The following TMEM164 variants were observed in gnomAD, a reference collection of about 807,000 sequenced individuals.
The protein encoded by TMEM164 is transmembrane protein 164.
Under a neutral mutation model 18.8 loss-of-function variants are expected in TMEM164, and 4 were observed. That is an observed-to-expected ratio of 0.21 (90% confidence interval 0.10 to 0.49). The LOEUF is 0.49. TMEM164 is among the 20% of genes least tolerant of loss of function. The pLI, the probability that TMEM164 is intolerant of heterozygous loss-of-function variation, is 0.98. For missense variants in TMEM164, 108 were observed against 239.9 expected, an observed-to-expected ratio of 0.45 and a Z score of 3.63; for synonymous variants, 86 against 101.7, an observed-to-expected ratio of 0.85 and a Z score of 0.93.
rs762299655 is a variant in TMEM164 at position 110,175,134 on chromosome X, G to C, written c.*1683G>C. On this transcript the variant is annotated 3_prime_UTR_variant, in exon 7 of 7. Transcript: ENST00000372068. ...TTTTGATGCGTAAGCTTTGTTTTTG[G>C]CCCTCTTTGAAGGCAGGGCCAAACT... 1.8e-5 allele frequency: 2 copies of C among 112,560 alleles called. No homozygotes were observed. Among genetic ancestry groups the C allele is most frequent in the Admixed American group, 9.3e-5 (1 of 10,777 alleles). 9.3% of individuals were successfully genotyped at this position (112,560 alleles called of 1,213,427 possible).
Position 110,152,080 on chromosome X carries a change from G to A in TMEM164, c.586+7204G>A, listed in dbSNP as rs755137413. Among the ~76,000 whole-genome samples, 6 of 85,644 alleles carry A rather than the reference G, an allele frequency of 7.0e-5. No individual in the cohort carries two copies. The South Asian group carries it at 1.8e-3, about 25-fold the overall frequency. 74.4% of individuals were successfully genotyped at this position (85,644 alleles called of 115,157 possible). A position where few individuals can be genotyped will look rare whatever the true frequency, so the allele number is the denominator to read the frequency against. On this transcript the variant is annotated intron_variant, in intron 5 of 6. Transcript: ENST00000372068. ...TCTTTTTTTTTTTTTTGTCTGAGAC[G>A]TAGTCTCACTCTGTTGCCAGGCTGG...
intron 4 of TMEM164, among the ~76,000 whole-genome samples, chrX:110,143,082 G>A (rs1291677759): frequency 8.9e-6 from 1 of 112,325 alleles, no homozygotes; most frequent in African/African-American, 3.2e-5. Context: ...TCCCTTAGGT[G>A]CATGAAGGTG....
In TMEM164 at chrX:110,109,278, G is replaced by A. The variant is rs1258561147; in HGVS notation, c.507+132G>A. 5 of 568,214 alleles carry A rather than the reference G, an allele frequency of 8.8e-6. No homozygotes were observed. The East Asian group carries it at 1.1e-4, about 13-fold the overall frequency. The allele number at this position is 568,214 out of a possible 1,213,427, so 46.8% of individuals were successfully genotyped here. ...CACACCTGTAATCCCAGCACTTTGG[G>A]AGGCCAAGGCGGGTGGATCACTTGA... On this transcript the variant is annotated intron_variant, in intron 4 of 6. Coordinates refer to ENST00000372068, the MANE Select transcript of TMEM164 (RefSeq NM_032227.4).
At chrX:110,178,641 T>C (rs1183388686), downstream of TMEM164, among the ~76,000 whole-genome samples, 8 of 112,346 alleles carry the variant, frequency 7.1e-5, no homozygotes, top group Non-Finnish European at 1.9e-5. Flanking sequence ...GGTCTTGCAA[T>C]TGTGGACTAG....
At chrX:110,145,987 T>TG (rs1354528655) in intron 5 of TMEM164, among the ~76,000 whole-genome samples, 1 of 112,029 alleles carries the variant, frequency 8.9e-6, no homozygotes, top group African/African-American at 3.3e-5. Context: ...TGCGGCCACT[T>TG]GGGGTCTCAC....
chrX:110,080,259 A>T (rs775453217), intron 3 of TMEM164, among the ~76,000 whole-genome samples: 6 of 111,992 alleles, frequency 5.4e-5, no homozygotes, highest in Non-Finnish European at 9.4e-5. Flanking sequence ...TGAAAATTTG[A>T]AATCCATGCA....
chrX:110,104,802 A>T (rs1459701935), intron 3 of TMEM164, among the ~76,000 whole-genome samples: 1 of 111,855 alleles, frequency 8.9e-6, no homozygotes, highest in Non-Finnish European at 1.9e-5. Flanking sequence ...AGCTATTGGT[A>T]GTTAACTTTA....
At chrX:110,129,685 C>T (rs1432462864) in intron 4 of TMEM164, among the ~76,000 whole-genome samples, 1 of 112,484 alleles carries the variant, frequency 8.9e-6, no homozygotes, top group Non-Finnish European at 1.9e-5. Context: ...ATCTTGTTTT[C>T]CAACACTTTT....
At chrX:110,112,289 C>T (rs1432166686) in intron 4 of TMEM164, among the ~76,000 whole-genome samples, 2 of 111,655 alleles carry the variant, frequency 1.8e-5, no homozygotes, top group Non-Finnish European at 3.8e-5. Context: ...GCCGAGATCA[C>T]GCCACTGCAC....
intron 2 of TMEM164, among the ~76,000 whole-genome samples, chrX:110,009,857 G>A (rs1160395774): frequency 9.1e-6 from 1 of 110,429 alleles, no homozygotes; most frequent in East Asian, 2.8e-4. Context: ...GCCAGGTGTG[G>A]TGGCACGCGC....
intron 2 of TMEM164, among the ~76,000 whole-genome samples, chrX:110,034,822 A>T (rs1424609133): frequency 1.9e-5 from 2 of 102,991 alleles, no homozygotes; most frequent in Admixed American, 1.1e-4. Context: ...AACCAACCCA[A>T]ATGTCCAACA....
rs2067289860 is a variant in TMEM164, at chrX:110,176,378, TG to T, written c.*2928del. 1 of 754,650 alleles carries T rather than the reference TG, an allele frequency of 1.3e-6. No individual in the cohort carries two copies. The highest frequency in any genetic ancestry group is 8.8e-5 in the Admixed American group (1 of 11,402). 62.2% of individuals were successfully genotyped at this position (754,650 alleles called of 1,213,427 possible). The stretch of plus-strand genomic sequence containing the variant: ...TCCTCCCAGAGGCACAACAGTAACA[TG>T]TTCCTCTGTCAGCCTGTGAAGGCAT... On this transcript the variant is annotated 3_prime_UTR_variant, in exon 7 of 7. Transcript: ENST00000372068.
chrX:110,133,578 G>A (rs946051870), intron 4 of TMEM164, among the ~76,000 whole-genome samples: 18 of 111,855 alleles, frequency 1.6e-4, no homozygotes, highest in Non-Finnish European at 1.1e-4. Context: ...AGGTATTGAG[G>A]GTGAGGAATT....
intron 3 of TMEM164, among the ~76,000 whole-genome samples, chrX:110,086,734 C>T (rs772783534): frequency 9.2e-6 from 1 of 108,305 alleles, no homozygotes; most frequent in East Asian, 2.9e-4. Flanking sequence ...ACAGAAAAAC[C>T]ATATTTTGCT....
intron 5 of TMEM164, among the ~76,000 whole-genome samples, chrX:110,145,239 G>A (rs1200780718): frequency 9.0e-6 from 1 of 111,287 alleles, no homozygotes; most frequent in East Asian, 2.8e-4. Context: ...TGGGATAGAA[G>A]GAGAGAGTAA....
chrX:110,061,897 C>T (rs1936139368), intron 2 of TMEM164, among the ~76,000 whole-genome samples: 1 of 111,304 alleles, frequency 9.0e-6, no homozygotes, highest in Admixed American at 9.6e-5. Flanking sequence ...TTGGAAAAAC[C>T]ATCTGGAAGA....
intron 2 of TMEM164, among the ~76,000 whole-genome samples, chrX:110,057,315 G>C: frequency 9.0e-6 from 1 of 111,078 alleles, no homozygotes; most frequent in Non-Finnish European, 1.9e-5. Flanking sequence ...AATGTCCTTT[G>C]GGTCCTTCTG....
chrX:110,102,314 C>T (rs779255440), intron 3 of TMEM164, among the ~76,000 whole-genome samples: 7 of 111,063 alleles, frequency 6.3e-5, no homozygotes, highest in Middle Eastern at 4.6e-3. Flanking sequence ...ACTGCACTCC[C>T]GTCCTCCAGC....
intron 3 of TMEM164, among the ~76,000 whole-genome samples, chrX:110,107,848 C>T (rs1040074275): frequency 4.6e-5 from 5 of 109,805 alleles, no homozygotes; most frequent in South Asian, 3.9e-4. Flanking sequence ...TTAGTAGAGA[C>T]GGGGTTTTGC....
Sources: gnomAD v4.1 joint callset for allele counts (sites outside exome capture counted in the v4.1 genomes callset) on GRCh38, gnomAD v4.1.1 for gene constraint, MANE v1.5 for transcripts, NCBI Gene and HGNC (gene_info 2026-07-23, HGNC 2026-07-21) for gene names.